The following STPG2 variants were observed in gnomAD, a reference collection of about 807,000 sequenced individuals.
STPG2 encodes sperm-tail PG-rich repeat-containing protein 2.
A neutral mutation model predicts 54.2 loss-of-function variants in STPG2; 56 were observed. The observed-to-expected ratio is 1.03, with a 90% CI of 0.83 to 1.29. The LOEUF (loss-of-function observed/expected upper bound fraction) is 1.29. Ranked by LOEUF, STPG2 falls within the 50% of genes most tolerant of loss-of-function variation. STPG2 has a pLI of 0.00. For missense variants in STPG2, 596 were observed against 544.9 expected (o/e 1.09, Z -0.93); for synonymous variants, 200 against 181.8 (o/e 1.10, Z -0.81).
chr4:97,604,035 T>C (rs1475840547), intron 10 of STPG2, among the ~76,000 whole-genome samples: 1 of 151,714 alleles, frequency 6.6e-6, no homozygotes, highest in Admixed American at 6.6e-5. Context: ...AAATATACTC[T>C]CCATTTCTGA....
At chr4:97,957,503 G>T (rs959196013) in intron 7 of STPG2, among the ~76,000 whole-genome samples, 1 of 152,096 alleles carries the variant, frequency 6.6e-6, no homozygotes, top group African/African-American at 2.4e-5. Flanking sequence ...ACTTGGGGAA[G>T]TAAGTGAGGA....
At chr4:98,037,667 C>A (rs952508614) in intron 5 of STPG2, among the ~76,000 whole-genome samples, 23 of 151,908 alleles carry the variant, frequency 1.5e-4, no homozygotes, top group Non-Finnish European at 2.9e-5. Context: ...AAGGAAAACA[C>A]AAAAGAATTA....
At position 97,568,494 on chromosome 4, in the gene STPG2, C is replaced by G. The variant is rs998165786; in HGVS notation, c.1321-9377G>C. 1.3e-4 allele frequency among the ~76,000 whole-genome samples: 19 copies of G among 151,972 alleles called. No homozygotes were observed. The East Asian group carries it at 2.1e-3, about 17-fold the overall frequency. ...TTGACATATATATGTGTGTGTGTGT[C>G]TCTCTCTCTCACACACACATGCACT... On this transcript the variant is annotated intron_variant, in intron 10 of 10. Coordinates refer to ENST00000295268, the MANE Select transcript of STPG2 (RefSeq NM_174952.3).
At chr4:97,880,387 T>C (rs892745991) in intron 8 of STPG2, among the ~76,000 whole-genome samples, 1 of 152,084 alleles carries the variant, frequency 6.6e-6, no homozygotes, top group Non-Finnish European at 1.5e-5. Flanking sequence ...TATGCCCAAA[T>C]AGAAAGTCGT....
intron 10 of STPG2, among the ~76,000 whole-genome samples, chr4:97,668,788 C>G (rs1186565594): frequency 6.6e-6 from 1 of 151,996 alleles, no homozygotes; most frequent in Non-Finnish European, 1.5e-5. Flanking sequence ...ATGGGGGAAG[C>G]AGAGTTTACA....
chr4:97,704,359 T>C (rs1171759768), intron 10 of STPG2, among the ~76,000 whole-genome samples: 2 of 152,142 alleles, frequency 1.3e-5, no homozygotes, highest in African/African-American at 4.8e-5. Context: ...AATACTTCCA[T>C]AATATGTCTG....
chr4:97,889,749 A>C (rs1303472774), intron 8 of STPG2, among the ~76,000 whole-genome samples: 1 of 152,182 alleles, frequency 6.6e-6, no homozygotes, highest in Non-Finnish European at 1.5e-5. Flanking sequence ...GGAAAAGTCC[A>C]AAAGATCTAT....
At chr4:97,582,422 G>A (rs1264314732) in intron 10 of STPG2, among the ~76,000 whole-genome samples, 1 of 151,960 alleles carries the variant, frequency 6.6e-6, no homozygotes, top group Non-Finnish European at 1.5e-5. Context: ...ACAAAAGTGA[G>A]TCAATTCAGT....
chr4:98,138,940 C>G (rs1740205208), intron 1 of STPG2, among the ~76,000 whole-genome samples: 1 of 152,146 alleles, frequency 6.6e-6, no homozygotes, highest in South Asian at 2.1e-4. Flanking sequence ...CAATGAAATA[C>G]TCCTTGGCAC....
At chr4:98,022,111 C>A (rs1475573467) in intron 5 of STPG2, among the ~76,000 whole-genome samples, 3 of 151,846 alleles carry the variant, frequency 2.0e-5, no homozygotes, top group Non-Finnish European at 2.9e-5. Context: ...TCTTCCTAGC[C>A]TTGATGGTCT....
At chr4:97,585,324 A>G (rs1242650451) in intron 10 of STPG2, among the ~76,000 whole-genome samples, 2 of 152,046 alleles carry the variant, frequency 1.3e-5, no homozygotes, top group Non-Finnish European at 2.9e-5. Context: ...CAAGAACCTT[A>G]TCAACATTAA....
intron 8 of STPG2, among the ~76,000 whole-genome samples, chr4:97,896,540 A>C (rs1291957017): frequency 1.3e-5 from 2 of 151,716 alleles, no homozygotes; most frequent in Non-Finnish European, 3.0e-5. Flanking sequence ...GATATGGCTA[A>C]AAAAATCTAT....
chr4:97,832,766 A>G (rs573517999), intron 9 of STPG2, among the ~76,000 whole-genome samples: 1 of 152,292 alleles, frequency 6.6e-6, no homozygotes, highest in African/African-American at 2.4e-5. Flanking sequence ...CATAATTGCC[A>G]GAAAGAGAAT....
rs184330529 is a variant in STPG2 at position 97,471,623 on chromosome 4, G to A, written c.462+241076C>T. On this transcript the variant is annotated intron_variant, in intron 4 of 4. Transcript: ENST00000522676. ...CTTAGGGGAGGAACTAAATAGAAGT[G>A]GGAAAAAAGATCAGCACCCAACTTT... 4.2e-3 allele frequency among the ~76,000 whole-genome samples: 644 copies of A among 152,090 alleles called. 3 individuals are homozygous for A. The highest frequency in any genetic ancestry group is 0.02 in the South Asian group (97 of 4,812).
intron 8 of STPG2, among the ~76,000 whole-genome samples, chr4:97,887,539 T>C (rs1370087447): frequency 1.3e-5 from 2 of 152,096 alleles, no homozygotes; most frequent in Non-Finnish European, 2.9e-5. Context: ...GTATTCAAGA[T>C]GTGGCCTGTC....
intron 10 of STPG2, among the ~76,000 whole-genome samples, chr4:97,627,549 C>T (rs1734165794): frequency 6.6e-6 from 1 of 151,980 alleles, no homozygotes; most frequent in Admixed American, 6.6e-5. Context: ...TAAGATAGTA[C>T]AAAATGTAGA....
downstream of STPG2, among the ~76,000 whole-genome samples, chr4:97,558,346 T>A (rs1291061440): frequency 6.6e-6 from 1 of 152,134 alleles, no homozygotes; most frequent in African/African-American, 2.4e-5. Context: ...GACAGTTTCC[T>A]CCCATCTGTA....
intron 9 of STPG2, among the ~76,000 whole-genome samples, chr4:97,729,053 C>T (rs1275365769): frequency 2.9e-5 from 4 of 140,280 alleles, no homozygotes; most frequent in African/African-American, 8.3e-5. Flanking sequence ...GATGACAAGG[C>T]CCCAAGAATT....
intron 10 of STPG2, among the ~76,000 whole-genome samples, chr4:97,576,869 A>C (rs1732736817): frequency 6.6e-6 from 1 of 152,170 alleles, no homozygotes; most frequent in African/African-American, 2.4e-5. Flanking sequence ...TCTAGTGTCC[A>C]AAATCTATAA....
Sources: allele counts gnomAD v4.1 joint callset (sites outside exome capture counted in the v4.1 genomes callset), GRCh38; gene constraint gnomAD v4.1.1; transcripts MANE v1.5; gene names NCBI Gene and HGNC (gene_info 2026-07-23, HGNC 2026-07-21).